The following PTPN12 variants were observed in gnomAD, a reference collection of about 807,000 sequenced individuals.
PTPN12 encodes the protein tyrosine-protein phosphatase non-receptor type 12.
In PTPN12, 29 loss-of-function variants were observed where a neutral mutation model predicts 97.6. That is an observed-to-expected ratio of 0.30 (90% CI 0.22 to 0.41). The LOEUF (loss-of-function observed/expected upper bound fraction) is 0.41. Among genes scored for constraint, PTPN12 ranks in the 10% least tolerant of loss-of-function variants. The probability of loss-of-function intolerance (pLI) is 1.00; values close to 1 mark genes in which losing one functional copy is unlikely to be tolerated. For missense variants in PTPN12, 819 were observed against 926.0 expected, an observed-to-expected ratio of 0.88 and a Z score of 1.50; for synonymous variants, 327 against 300.4, an observed-to-expected ratio of 1.09 and a Z score of -0.91.
chr7:77,571,549 A>G (rs936877269), intron 2 of PTPN12, among the ~76,000 whole-genome samples: 3 of 152,198 alleles, frequency 2.0e-5, no homozygotes, highest in African/African-American at 4.8e-5. Flanking sequence ...TCATATATCT[A>G]TACATAAGAA....
At chr7:77,597,495 T>A (rs901572369) in intron 6 of PTPN12, among the ~76,000 whole-genome samples, 1 of 152,216 alleles carries the variant, frequency 6.6e-6, no homozygotes, top group Non-Finnish European at 1.5e-5. Context: ...GTAATGTGCA[T>A]TTAGGGTTCA....
chr7:77,636,021 G>C (rs767551067), intron 15 of PTPN12, among the ~76,000 whole-genome samples, 172 bp downstream of exon 15: 7 of 152,078 alleles, frequency 4.6e-5, no homozygotes, highest in Non-Finnish European at 1.0e-4. Flanking sequence ...ATAAAAGGTA[G>C]GTTCTGAAAT....
At chr7:77,577,843 A>G (rs894002577) in intron 2 of PTPN12, among the ~76,000 whole-genome samples, 8 of 152,160 alleles carry the variant, frequency 5.3e-5, no homozygotes, top group Admixed American at 5.2e-4. Context: ...ACTTACTACA[A>G]GATGTAGTAC....
In PTPN12 at chr7:77,589,226, TTTTG is replaced by T. The variant is rs1471926039; in HGVS notation, c.421-2951_421-2948del. Among the ~76,000 whole-genome samples the T allele has an allele frequency of 2.6e-5, 4 of 152,274 alleles. No individual in the cohort carries two copies. The East Asian group carries it at 7.7e-4, about 29-fold the overall frequency. On this transcript the variant is annotated intron_variant, in intron 5 of 17. Coordinates refer to ENST00000248594, the MANE Select transcript of PTPN12 (RefSeq NM_002835.4). ...GTCTGTTTGTTAATACCACAGTATGTTTTGTTTGTTTCCTATCTTCAAAACTGAG... is the reference window on the plus strand; with the variant it reads ...GTCTGTTTGTTAATACCACAGTATGTTTTGTTTCCTATCTTCAAAACTGAG...
rs1166366382 is a variant in PTPN12, at chr7:77,537,470, G to A, written c.-77G>A. The stretch of plus-strand genomic sequence containing the variant: ...GGGACGTGCTGGGGGAACGAGCTGG[G>A]GAAGACGGAGCGGGCTCTGTGCCGG... On this transcript the variant is annotated 5_prime_UTR_variant, in exon 1 of 18. Transcript: ENST00000248594. 10 of 1,465,946 alleles carry A rather than the reference G, an allele frequency of 6.8e-6. No individual in the cohort carries two copies. The African/African-American group carries it at 1.5e-4, about 22-fold the overall frequency. The allele number at this position is 1,465,946 out of a possible 1,614,324, so 90.8% of individuals were successfully genotyped here.
At chr7:77,578,852 C>G (rs1787418759) in intron 2 of PTPN12, among the ~76,000 whole-genome samples, 1 of 152,108 alleles carries the variant, frequency 6.6e-6, no homozygotes, top group African/African-American at 2.4e-5. Context: ...CTGAAAGCGT[C>G]TAACCTCAAA....
intron 11 of PTPN12, among the ~76,000 whole-genome samples, chr7:77,611,872 C>T (rs1007976657): frequency 6.6e-6 from 1 of 152,184 alleles, no homozygotes; most frequent in African/African-American, 2.4e-5. Flanking sequence ...ACTTCTAGAC[C>T]TGACAAAAAC....
At chr7:77,633,732 A>G (rs1789485317) in intron 14 of PTPN12, among the ~76,000 whole-genome samples, 2 of 152,102 alleles carry the variant, frequency 1.3e-5, no homozygotes, top group South Asian at 4.1e-4. Context: ...ATTTAACACC[A>G]CTGGAGTAGA....
chr7:77,579,183 G>A (rs1217333246), intron 2 of PTPN12, among the ~76,000 whole-genome samples: 3 of 152,074 alleles, frequency 2.0e-5, no homozygotes, highest in Admixed American at 6.6e-5. Flanking sequence ...GTGCAGTGGC[G>A]CGATCTCGGC....
intron 13 of PTPN12, among the ~76,000 whole-genome samples, chr7:77,628,227 C>T (rs1279124316): frequency 6.6e-6 from 1 of 152,138 alleles, no homozygotes; most frequent in South Asian, 2.1e-4. Flanking sequence ...CTGCTCAATT[C>T]AGTAGTGAGT....
intron 11 of PTPN12, among the ~76,000 whole-genome samples, chr7:77,614,530 G>A (rs1434555523): frequency 6.6e-6 from 1 of 152,006 alleles, no homozygotes; most frequent in Non-Finnish European, 1.5e-5. Context: ...TAAACTAAAT[G>A]TTTGAGAGAA....
rs1339514990 is a variant in PTPN12 at position 77,610,118 on chromosome 7, G to A, written c.763-647G>A. On this transcript the variant is annotated intron_variant, in intron 9 of 17. Transcript: ENST00000248594. ...TATCAGATCTTCTCATGTCAACATT[G>A]CCTATTGCAGTAGTCGCAATTCCAT... Among the ~76,000 whole-genome samples the A allele has an allele frequency of 2.6e-5, 4 of 152,110 alleles. No individual in the cohort carries two copies. The East Asian group carries it at 7.7e-4, about 29-fold the overall frequency.
Position 77,592,275 on chromosome 7 carries a change from A to T in PTPN12, c.492+19A>T. ...TTCTTGTGTAAGTATCCATTTTTGT[A>T]AACACTTTTTTCAGAAAATTGGCAT... On this transcript the variant is annotated intron_variant, in intron 6 of 17. Transcript: ENST00000248594. 6.3e-7 allele frequency: 1 copy of T among 1,592,440 alleles called. No individual in the cohort carries two copies. Among genetic ancestry groups the T allele is most frequent in the Non-Finnish European group, 8.6e-7 (1 of 1,167,170 alleles).
At chr7:77,537,879 G>T in intron 1 of PTPN12, 3 of 543,064 alleles carry the variant, frequency 5.5e-6, no homozygotes, top group Non-Finnish European at 8.1e-6. Context: ...CCCGGGACGC[G>T]AAGGGAGCGG....
chr7:77,620,151 A>T (rs1379408527), intron 12 of PTPN12, among the ~76,000 whole-genome samples: 2 of 152,208 alleles, frequency 1.3e-5, no homozygotes, highest in African/African-American at 2.4e-5. Context: ...AGGTTTTCAA[A>T]GTCTACACTG....
intron 13 of PTPN12, among the ~76,000 whole-genome samples, chr7:77,630,702 T>A (rs926524452): frequency 6.6e-6 from 1 of 152,238 alleles, no homozygotes; most frequent in African/African-American, 2.4e-5. Flanking sequence ...AACTTTTGCA[T>A]AAGTTACTGC....
chr7:77,542,246 T>A (rs1807013491), intron 1 of PTPN12, among the ~76,000 whole-genome samples: 1 of 152,152 alleles, frequency 6.6e-6, no homozygotes, highest in African/African-American at 2.4e-5. Flanking sequence ...ATGGAGAAAG[T>A]AGGGAGGTGT....
In PTPN12 at chr7:77,637,013, C is replaced by T. The variant is rs369655618; in HGVS notation, c.2143-5C>T. On this transcript the variant is annotated splice_polypyrimidine_tract_variant and splice_region_variant and intron_variant, in intron 15 of 17. Coordinates refer to ENST00000248594, the MANE Select transcript of PTPN12 (RefSeq NM_002835.4). ...TGTAATAGGTATTAAATGTCTTCCT[C>T]GTAGGGCTTGATAACCTCTGAAAAT... 1.4e-5 allele frequency: 23 copies of T among 1,605,658 alleles called. No individual in the cohort carries two copies. The African/African-American group carries it at 1.9e-4, about 13-fold the overall frequency.
intron 12 of PTPN12, among the ~76,000 whole-genome samples, chr7:77,620,691 T>G (rs1246225136): frequency 6.6e-6 from 1 of 152,254 alleles, no homozygotes; most frequent in Non-Finnish European, 1.5e-5. Flanking sequence ...GGCTCACGCC[T>G]GTAATCCCAG....
Sources: gnomAD v4.1 joint callset for allele counts (sites outside exome capture counted in the v4.1 genomes callset) on GRCh38, gnomAD v4.1.1 for gene constraint, MANE v1.5 for transcripts, NCBI Gene and HGNC (gene_info 2026-07-23, HGNC 2026-07-21) for gene names.